The following LYPD2 variants were observed in gnomAD, a reference collection of about 807,000 sequenced individuals.
LYPD2 encodes the protein LY6/PLAUR domain containing 2, also known as ly6/PLAUR domain-containing protein 2.
In LYPD2, 5 loss-of-function variants were observed where a neutral mutation model predicts 7.1. The observed-to-expected ratio is 0.70, with a 90% CI of 0.37 to 1.48. LYPD2 has a LOEUF of 1.48. Ranked by LOEUF, LYPD2 falls within the 40% of genes most tolerant of loss-of-function variation. LYPD2 has a pLI of 0.03. For synonymous variants in LYPD2, 78 were observed against 82.0 expected (o/e 0.95, Z 0.26); for missense variants, 177 against 171.0 (o/e 1.04, Z -0.20).
Position 142,751,110 on chromosome 8 carries a change from A to G in LYPD2, c.119T>C (p.Ile40Thr). The G allele has an allele frequency of 1.2e-6, 2 of 1,614,182 alleles. No individual in the cohort carries two copies. The highest frequency in any genetic ancestry group is 8.5e-7 in the Non-Finnish European group (1 of 1,180,028). Residue 40 changes from isoleucine (I) to threonine (T), a missense_variant, in exon 2 of 3, where the codon ATC becomes ACC. By Grantham distance (89) the Ile-to-Thr change is moderately conservative. Transcript: ENST00000359228. The part of the protein sequence containing the change: ...EPTGVSDCVT[I>T]ATCTTNETMC... The stretch of plus-strand genomic sequence containing the variant: ...GGTTTCGTTGGTGGTGCAGGTGGCG[A>G]TGGTGACACAGTCCGACACTCCTGT...
Position 142,750,701 on chromosome 8 carries a change from G to A in LYPD2, c.179-219C>T, listed in dbSNP as rs1485318754. Among the ~76,000 whole-genome samples, 6 of 152,372 alleles carry A rather than the reference G, an allele frequency of 3.9e-5. No individual in the cohort carries two copies. In the East Asian group the frequency reaches 5.8e-4, roughly 15 times the overall value. ...GGCCTGATGGGGCAGTTCCCGCCCC[G>A]AGGTGACTGTTGAAACCAAAGCCTG... is the stretch of plus-strand genomic sequence containing the variant. On this transcript the variant is annotated intron_variant, in intron 2 of 2. Coordinates refer to ENST00000359228, the MANE Select transcript of LYPD2 (RefSeq NM_205545.3).
rs1391353689 is a variant in LYPD2 at position 142,752,316 on chromosome 8, G to C, written c.58+78C>G. The C allele has an allele frequency of 3.9e-6, 6 of 1,545,000 alleles. No individual in the cohort carries two copies. The African/African-American group carries it at 6.8e-5, about 18-fold the overall frequency. Reference sequence around the variant, plus strand: ...TGCCTCTGAGGCCCCTTCCTGGGGCGCCCTCCCGGGAACAGTGTGAATGTC... The same window carrying C: ...TGCCTCTGAGGCCCCTTCCTGGGGCCCCCTCCCGGGAACAGTGTGAATGTC... On this transcript the variant is annotated intron_variant, in intron 1 of 2. Transcript: ENST00000359228.
intron 2 of LYPD2, 117 bp downstream of exon 2, chr8:142,750,934 A>G (rs1240756422): frequency 4.5e-6 from 7 of 1,546,290 alleles, no homozygotes; most frequent in East Asian, 2.3e-5. Flanking sequence ...CTGACCGGGA[A>G]CCCAGCCCTG....
In LYPD2 at chr8:142,752,502, C is replaced by T; in HGVS notation, c.-51G>A. On this transcript the variant is annotated 5_prime_UTR_variant, in exon 1 of 3. Transcript: ENST00000359228. ...TCACCCCAGGCTTGCCTGGCGGGGA[C>T]AGCAGACACCAAGTGAGGTGGCGAC... is the stretch of plus-strand genomic sequence containing the variant. The T allele has an allele frequency of 3.7e-6, 6 of 1,602,178 alleles. No homozygotes were observed. Among genetic ancestry groups the T allele is most frequent in the Non-Finnish European group, 5.1e-6 (6 of 1,171,498 alleles).
At position 142,751,107 on chromosome 8, in the gene LYPD2, GC is replaced by G. The variant is rs1381216325; in HGVS notation, c.121del (p.Ala41ProfsTer19). The G allele has an allele frequency of 6.2e-7, 1 of 1,614,088 alleles. No homozygotes were observed. Among genetic ancestry groups the G allele is most frequent in the Non-Finnish European group, 8.5e-7 (1 of 1,180,044 alleles). On this transcript the variant is annotated frameshift_variant, in exon 2 of 3. Transcript: ENST00000359228. LOFTEE classifies it high-confidence loss of function. ...PTGVSDCVTI[A>X]TCTTNETMCK... ...CATGGTTTCGTTGGTGGTGCAGGTG[GC>G]GATGGTGACACAGTCCGACACTCCT...
rs776891006 is a variant in LYPD2, at chr8:142,751,221, C to G, written c.59-51G>C. 3 of 1,605,398 alleles carry G rather than the reference C, an allele frequency of 1.9e-6. No individual in the cohort carries two copies. In the South Asian group the frequency reaches 3.3e-5, roughly 18 times the overall value. ...AGGCAGGCTCCACCCCTCCCAAGCC[C>G]AGAGACAGTCTGTCCTGGAAGCCCA... On this transcript the variant is annotated intron_variant, in intron 1 of 2. Coordinates refer to ENST00000359228, the MANE Select transcript of LYPD2 (RefSeq NM_205545.3).
Position 142,751,158 on chromosome 8 carries a change from C to A in LYPD2, c.71G>T (p.Arg24Leu). The change falls in exon 2 of 3, where the codon CGC becomes CTC. Residue 24 changes from arginine (R) to leucine (L), a missense_variant. Arg to Leu is a moderately radical substitution (Grantham distance 102). Transcript: ENST00000359228. ...TGTGGGCTCCGGACAGACGTAGCAG[C>A]GCAGGGCCGGCGCTGGGGAGAAGGG... ...AACGELAPAL[R>L]CYVCPEPTGV... The A allele has an allele frequency of 6.2e-7, 1 of 1,614,030 alleles. No individual in the cohort carries two copies. The highest frequency in any genetic ancestry group is 8.5e-7 in the Non-Finnish European group (1 of 1,180,014).
Position 142,752,418 on chromosome 8 carries a change from C to T in LYPD2, c.34G>A (p.Val12Met). Residue 12 changes from valine to methionine, a missense_variant, in exon 1 of 3, where the codon GTG becomes ATG. Transcript: ENST00000359228. ...RGTRLALLAL[V>M]LAACGELAPA... ...CCCAGCTCTCCGCAGGCAGCCAGCA[C>T]CAGCGCCAGGAGCGCCAGCCGCGTC... 3.1e-6 allele frequency: 5 copies of T among 1,613,494 alleles called. No homozygotes were observed. The highest frequency in any genetic ancestry group is 4.2e-6 in the Non-Finnish European group (5 of 1,179,792).
At chr8:142,751,543 C>T (rs976212186) in intron 1 of LYPD2, among the ~76,000 whole-genome samples, 1 of 152,172 alleles carries the variant, frequency 6.6e-6, no homozygotes. Context: ...GGGCAGGTTA[C>T]CCCCTCAGTT....
rs587602435 is a variant in LYPD2, at chr8:142,751,340, G to A, written c.59-170C>T. Among the ~76,000 whole-genome samples the A allele has an allele frequency of 4.8e-4, 73 of 152,316 alleles. 1 individual carries two copies. The highest frequency in any genetic ancestry group is 1.6e-3 in the African/African-American group (67 of 41,574). On this transcript the variant is annotated intron_variant, in intron 1 of 2. Transcript: ENST00000359228. ...AGGAGCCTGCAGCTGGGGACAGGCC[G>A]GGCTCAGCCTCGGAACCTTGCATCC...
Position 142,752,500 on chromosome 8 carries a change from G to C in LYPD2, c.-49C>G. ...TCTCACCCCAGGCTTGCCTGGCGGGGACAGCAGACACCAAGTGAGGTGGCG... is the reference window on the plus strand; with the variant it reads ...TCTCACCCCAGGCTTGCCTGGCGGGCACAGCAGACACCAAGTGAGGTGGCG... On this transcript the variant is annotated 5_prime_UTR_variant, in exon 1 of 3. Coordinates refer to ENST00000359228, the MANE Select transcript of LYPD2 (RefSeq NM_205545.3). 1 of 1,603,616 alleles carries C rather than the reference G, an allele frequency of 6.2e-7. No homozygotes were observed. Among genetic ancestry groups the C allele is most frequent in the Non-Finnish European group, 8.5e-7 (1 of 1,172,534 alleles).
chr8:142,750,639 C>T (rs970259708), intron 2 of LYPD2, among the ~76,000 whole-genome samples, 157 bp from the exon 3 acceptor site: 4 of 152,228 alleles, frequency 2.6e-5, no homozygotes, highest in Admixed American at 6.5e-5. Flanking sequence ...CTCCTCCCAC[C>T]GACGTTGTCC....
At chr8:142,751,379 G>A (rs587609677) in intron 1 of LYPD2, among the ~76,000 whole-genome samples, 1 of 152,330 alleles carries the variant, frequency 6.6e-6, no homozygotes, top group South Asian at 2.1e-4. Flanking sequence ...AGGCAGAGTC[G>A]GCTGCTGGGG....
chr8:142,752,479 AC>A lies in LYPD2; in HGVS notation c.-29del. ...TCCCGGCCCACTCCTCTGTGCTCTCACCCCAGGCTTGCCTGGCGGGGACAGC... is the reference window on the plus strand; with the variant it reads ...TCCCGGCCCACTCCTCTGTGCTCTCACCCAGGCTTGCCTGGCGGGGACAGC... On this transcript the variant is annotated 5_prime_UTR_variant, in exon 1 of 3. Coordinates refer to ENST00000359228, the MANE Select transcript of LYPD2 (RefSeq NM_205545.3). 6 of 1,611,144 alleles carry A rather than the reference AC, an allele frequency of 3.7e-6. No individual in the cohort carries two copies. Among genetic ancestry groups the A allele is most frequent in the Non-Finnish European group, 5.1e-6 (6 of 1,178,426 alleles).
chr8:142,750,972 T>A, intron 2 of LYPD2, 79 bp downstream of exon 2: 1 of 1,595,184 alleles, frequency 6.3e-7, no homozygotes, highest in East Asian at 2.2e-5. Flanking sequence ...CTGCCCTATC[T>A]CCTGGGAGTA....
rs769144481 is a variant in LYPD2 at position 142,750,527 on chromosome 8, TC to T, written c.179-46del. 13 of 1,534,410 alleles carry T rather than the reference TC, an allele frequency of 8.5e-6. No individual in the cohort carries two copies. The East Asian group carries it at 3.2e-4, about 37-fold the overall frequency. On this transcript the variant is annotated intron_variant, in intron 2 of 2. Transcript: ENST00000359228. Reference sequence around the variant, plus strand: ...TCAGCCGTCAGGGCTGGTCACTGCCTCCAAGCCCTGGTCCCTGCCAGTACCA... The same window carrying T: ...TCAGCCGTCAGGGCTGGTCACTGCCTCAAGCCCTGGTCCCTGCCAGTACCA...
chr8:142,750,313 C>CCTCA lies in LYPD2; in HGVS notation c.347_348insTGAG (p.Leu117GlufsTer38). 1 of 1,553,318 alleles carries CCTCA rather than the reference C, an allele frequency of 6.4e-7. No individual in the cohort carries two copies. The highest frequency in any genetic ancestry group is 8.7e-7 in the Non-Finnish European group (1 of 1,148,288). ...GTCGGAGGCTCAAGAGTGGGAGGAG[C>CCTCA]GTGAGGGCCCCGCAGTGGAGGCTGT... On this transcript the variant is annotated frameshift_variant, in exon 3 of 3. Transcript: ENST00000359228. LOFTEE classifies it low-confidence loss of function (END_TRUNC).
rs780821747 is a variant in LYPD2 at position 142,751,053 on chromosome 8, A to T, written c.176T>A (p.Ile59Lys). 6.2e-7 allele frequency: 1 copy of T among 1,613,966 alleles called. No homozygotes were observed. The highest frequency in any genetic ancestry group is 2.2e-5 in the East Asian group (1 of 44,842). ...MCKTTLYSREIVYPFQGDSTV... is the reference protein window; with the variant it reads ...MCKTTLYSREKVYPFQGDSTV... The stretch of plus-strand genomic sequence containing the variant: ...GCCCGCCTTCTGTGCCCACTGACCT[A>T]TCTCCCGGGAGTAGAGTGTGGTCTT... Residue 59 changes from isoleucine (I) to lysine (K), a missense_variant and splice_region_variant, in exon 2 of 3, where the codon ATA becomes AAA. Coordinates refer to ENST00000359228, the MANE Select transcript of LYPD2 (RefSeq NM_205545.3).
intron 1 of LYPD2, among the ~76,000 whole-genome samples, chr8:142,751,791 C>A (rs982942305): frequency 2.0e-5 from 3 of 152,174 alleles, no homozygotes; most frequent in African/African-American, 7.2e-5. Flanking sequence ...GCCAGGGCAG[C>A]CAGCTGCACA....
Sources: allele counts gnomAD v4.1 joint callset (sites outside exome capture counted in the v4.1 genomes callset), GRCh38; gene constraint gnomAD v4.1.1; transcripts MANE v1.5; gene names NCBI Gene and HGNC (gene_info 2026-07-23, HGNC 2026-07-21).